Variants in MED15 observed in about 807,000 individuals in gnomAD.
MED15 encodes mediator of RNA polymerase II transcription subunit 15.
In MED15, 41 loss-of-function variants were observed where a neutral mutation model predicts 118.7. The ratio of observed to expected loss-of-function variants is 0.35; its 90% confidence interval spans 0.27 to 0.45. MED15 has a LOEUF of 0.45. MED15 is among the 20% of genes least tolerant of loss of function. The pLI, the probability that MED15 is intolerant of heterozygous loss-of-function variation, is 1.00. For synonymous variants in MED15, 436 were observed against 413.9 expected, an observed-to-expected ratio of 1.05 and a Z score of -0.65; for missense variants, 740 against 1,025.5, an observed-to-expected ratio of 0.72 and a Z score of 3.80.
chr22:20,513,902 C>T (rs2054164494), intron 1 of MED15, among the ~76,000 whole-genome samples: 1 of 152,166 alleles, frequency 6.6e-6, no homozygotes, highest in Admixed American at 6.6e-5. Context: ...CTTGCTCTCT[C>T]CTCCAGGTTG....
chr22:20,566,342 G>A (rs1298798432), intron 6 of MED15, 125 bp from the exon 7 acceptor site: 2 of 1,517,592 alleles, frequency 1.3e-6, no homozygotes, highest in South Asian at 1.3e-5. Flanking sequence ...ACCCAGCCAG[G>A]AAGGCTTTCT....
rs565859776 is a variant in MED15, at chr22:20,563,514, G to A, written c.452-936G>A. Among the ~76,000 whole-genome samples the A allele has an allele frequency of 7.3e-4, 111 of 152,294 alleles. 2 individuals are homozygous for A. Among genetic ancestry groups the A allele is most frequent in the Middle Eastern group, 3.4e-3 (1 of 294 alleles). Reference sequence around the variant, plus strand: ...TGCTGCAGTGGTTGCCAGAGTTTGCGGGTCAGGGTTGCTGAGAGAGGTGGC... The same window carrying A: ...TGCTGCAGTGGTTGCCAGAGTTTGCAGGTCAGGGTTGCTGAGAGAGGTGGC... On this transcript the variant is annotated intron_variant, in intron 5 of 17. Transcript: ENST00000263205.
chr22:20,512,678 G>A (rs1453135558), intron 1 of MED15, among the ~76,000 whole-genome samples: 4 of 137,960 alleles, frequency 2.9e-5, no homozygotes, highest in African/African-American at 8.1e-5. Context: ...TGCAAGCTCC[G>A]CCTCCCAGGT....
chr22:20,542,697 G>A (rs1184375870), intron 2 of MED15, among the ~76,000 whole-genome samples: 1 of 152,122 alleles, frequency 6.6e-6, no homozygotes, highest in Admixed American at 6.6e-5. Context: ...TAAAATTTTG[G>A]GAGTTCTTCT....
chr22:20,585,622 C>G (rs2057111264), intron 16 of MED15, 106 bp from the exon 17 acceptor site: 2 of 1,074,476 alleles, frequency 1.9e-6, no homozygotes, highest in Middle Eastern at 2.0e-4. Flanking sequence ...TTGCCACAAG[C>G]TTCACCAGAA....
At chr22:20,563,418 T>C (rs1309475517) in intron 5 of MED15, among the ~76,000 whole-genome samples, 1 of 152,246 alleles carries the variant, frequency 6.6e-6, no homozygotes. Flanking sequence ...CCAAAAAGGT[T>C]CATACTGTAT....
At chr22:20,523,712 A>G in intron 1 of MED15, 1 of 985,444 alleles carries the variant, frequency 1.0e-6, no homozygotes, top group Non-Finnish European at 1.2e-6. Flanking sequence ...CAGCACCAGG[A>G]CAGAGATCTC....
intron 17 of MED15, 44 bp from the exon 18 acceptor site, chr22:20,586,524 G>A (rs753512526): frequency 5.9e-5 from 95 of 1,599,154 alleles, no homozygotes; most frequent in Non-Finnish European, 7.6e-5. Context: ...AGGAGCGAGC[G>A]CAGCGCCGGC....
At position 20,577,880 on chromosome 22, in the gene MED15, G is replaced by A. The variant is rs582898; in HGVS notation, c.1272+2648G>A. Among the ~76,000 whole-genome samples, 394 of 152,182 alleles carry A rather than the reference G, an allele frequency of 2.6e-3. 3 individuals are homozygous for A. Among genetic ancestry groups the A allele is most frequent in the African/African-American group, 9.1e-3 (376 of 41,530 alleles). ...AGAGGAAGGAAGGCACAGAACTGGG[G>A]CAAGGTTCTGGTTTTGTTCTGTTAT... On this transcript the variant is annotated intron_variant, in intron 9 of 17. Transcript: ENST00000263205.
At chr22:20,518,410 A>G (rs1212917585) in intron 1 of MED15, among the ~76,000 whole-genome samples, 1 of 152,056 alleles carries the variant, frequency 6.6e-6, no homozygotes, top group Non-Finnish European at 1.5e-5. Context: ...GTGCCACACC[A>G]TGCCCTTTCT....
intron 8 of MED15, among the ~76,000 whole-genome samples, chr22:20,570,490 C>T (rs2056607007): frequency 6.7e-6 from 1 of 149,800 alleles, no homozygotes; most frequent in Non-Finnish European, 1.5e-5. Context: ...CTCCTGGGTT[C>T]AGGCGATTCT....
At chr22:20,532,336 C>T (rs1031779985) in intron 1 of MED15, among the ~76,000 whole-genome samples, 1 of 152,124 alleles carries the variant, frequency 6.6e-6, no homozygotes, top group South Asian at 2.1e-4. Flanking sequence ...TTGATGTATC[C>T]CTGCTGGCTG....
chr22:20,579,216 G>C (rs931568177), intron 9 of MED15, among the ~76,000 whole-genome samples: 1 of 152,174 alleles, frequency 6.6e-6, no homozygotes, highest in African/African-American at 2.4e-5. Context: ...CTCTCTGGCT[G>C]CCTCCCCAGA....
intron 9 of MED15, among the ~76,000 whole-genome samples, chr22:20,575,527 T>C (rs2056797585): frequency 6.6e-6 from 1 of 152,076 alleles, no homozygotes. Context: ...TCTAGAGCTG[T>C]GCTATCTAAT....
At chr22:20,563,099 G>C (rs557947246) in intron 5 of MED15, among the ~76,000 whole-genome samples, 2 of 152,270 alleles carry the variant, frequency 1.3e-5, no homozygotes, top group South Asian at 2.1e-4. Context: ...TCAAGTGTTG[G>C]TGACAGAGAA....
At position 20,564,708 on chromosome 22, in the gene MED15, T is replaced by C. The variant is rs1218227223; in HGVS notation, c.690+20T>C. On this transcript the variant is annotated intron_variant, in intron 6 of 17. Coordinates refer to ENST00000263205, the MANE Select transcript of MED15 (RefSeq NM_001003891.3). ...CAACAGGTACCAGGTCCCCTGTTCC[T>C]GCTCTTGGCCTCCCTCCTGCAGCGT... The C allele has an allele frequency of 6.2e-7, 1 of 1,614,008 alleles. No individual in the cohort carries two copies. Among genetic ancestry groups the C allele is most frequent in the South Asian group, 1.1e-5 (1 of 91,082 alleles).
intron 14 of MED15, 74 bp from the exon 15 acceptor site, chr22:20,584,781 C>T: frequency 1.9e-6 from 3 of 1,557,756 alleles, no homozygotes; most frequent in Non-Finnish European, 2.6e-6. Context: ...TGACCATGGG[C>T]CTGGGGTGTG....
rs2057151107 is a variant in MED15 at position 20,586,869 on chromosome 22, A to G, written c.*165A>G. ...GCCAAACGAAATCCCACACCTGTAC[A>G]GAACTGGGATAGGCGCAGTGGAGCG... On this transcript the variant is annotated 3_prime_UTR_variant, in exon 18 of 18. Transcript: ENST00000263205. 1.3e-5 allele frequency: 15 copies of G among 1,118,340 alleles called. No homozygotes were observed. In the Admixed American group the frequency reaches 4.1e-4, roughly 31 times the overall value. 69.3% of individuals were successfully genotyped at this position (1,118,340 alleles called of 1,614,324 possible).
chr22:20,548,251 T>C (rs2055631664), intron 2 of MED15, among the ~76,000 whole-genome samples: 1 of 152,142 alleles, frequency 6.6e-6, no homozygotes, highest in Admixed American at 6.5e-5. Flanking sequence ...AACCTCTGCC[T>C]CCTGGGTTCA....
Sources: allele counts gnomAD v4.1 joint callset (sites outside exome capture counted in the v4.1 genomes callset), GRCh38; gene constraint gnomAD v4.1.1; transcripts MANE v1.5; gene names NCBI Gene and HGNC (gene_info 2026-07-23, HGNC 2026-07-21).